PARP4: variants seen among roughly 807,000 people sequenced by gnomAD.
PARP4 encodes poly(ADP-ribose) polymerase family member 4, also known as protein mono-ADP-ribosyltransferase PARP4.
A neutral mutation model predicts 187.7 loss-of-function variants in PARP4; 120 were observed. The ratio of observed to expected loss-of-function variants is 0.64; its 90% CI spans 0.55 to 0.74. PARP4 has a LOEUF of 0.74. Among genes scored for constraint, PARP4 ranks in the 30% least tolerant of loss-of-function variants. The pLI, the probability that PARP4 is intolerant of heterozygous loss-of-function variation, is 0.00. For synonymous variants in PARP4, 654 were observed against 740.9 expected, an observed-to-expected ratio of 0.88 and a Z score of 1.90; for missense variants, 1,836 against 2,070.5, an observed-to-expected ratio of 0.89 and a Z score of 2.20.
intron 3 of PARP4, among the ~76,000 whole-genome samples, chr13:24,500,850 C>CA (rs1234768370): frequency 1.7e-4 from 26 of 152,170 alleles, no homozygotes; most frequent in Non-Finnish European, 1.3e-4. Context: ...AGGAATAACT[C>CA]AATGTGAGGA....
intron 20 of PARP4, among the ~76,000 whole-genome samples, chr13:24,458,647 T>C (rs1032403814): frequency 7.2e-5 from 11 of 152,134 alleles, no homozygotes; most frequent in Admixed American, 6.5e-4. Flanking sequence ...GTGGTAAACA[T>C]CATTTACATG....
chr13:24,483,403 G>A (rs1284051347), intron 12 of PARP4, among the ~76,000 whole-genome samples: 5 of 126,790 alleles, frequency 3.9e-5, no homozygotes, highest in African/African-American at 1.2e-4. Context: ...GGAGAATGGC[G>A]TGAACCCGGG....
intron 15 of PARP4, among the ~76,000 whole-genome samples, chr13:24,472,007 TCC>T (rs1219354613): frequency 6.6e-6 from 1 of 152,160 alleles, no homozygotes; most frequent in Admixed American, 6.6e-5. Flanking sequence ...CCTTACAAAC[TCC>T]GGATCCTTTG....
At chr13:24,436,427 C>T (rs774593996) in intron 30 of PARP4, among the ~76,000 whole-genome samples, 4 of 151,884 alleles carry the variant, frequency 2.6e-5, no homozygotes, top group Non-Finnish European at 5.9e-5. Flanking sequence ...CCTCAGACTC[C>T]CCAGTAGCTG....
chr13:24,452,943 T>A (rs1032346542), intron 23 of PARP4, among the ~76,000 whole-genome samples: 14 of 152,246 alleles, frequency 9.2e-5, no homozygotes, highest in East Asian at 1.9e-4. Flanking sequence ...TATTTATTTT[T>A]TTTTTCTTTG....
At chr13:24,445,531 G>A (rs2137459144) in intron 27 of PARP4, among the ~76,000 whole-genome samples, 1 of 152,248 alleles carries the variant, frequency 6.6e-6, no homozygotes, top group African/African-American at 2.4e-5. Flanking sequence ...GGAGCTTCTG[G>A]GTCAGCACTC....
intron 25 of PARP4, among the ~76,000 whole-genome samples, chr13:24,448,705 C>T (rs779574935): frequency 2.6e-4 from 40 of 152,186 alleles, no homozygotes; most frequent in Non-Finnish European, 5.1e-4. Context: ...AGCCAAAGGA[C>T]AGAAACAACC....
At chr13:24,491,976 G>A (rs539921615) in intron 9 of PARP4, among the ~76,000 whole-genome samples, 1 of 152,210 alleles carries the variant, frequency 6.6e-6, no homozygotes, top group Non-Finnish European at 1.5e-5. Flanking sequence ...CACTCTACAG[G>A]AAGTACAGAG....
At position 24,501,729 on chromosome 13, in the gene PARP4, A is replaced by C; in HGVS notation, c.238T>G (p.Ser80Ala). The change falls in exon 3 of 34, where the codon TCT (serine) becomes GCT (alanine). Residue 80 changes from serine (S) to alanine (A), a missense_variant. Transcript: ENST00000381989. ...TCCAAGAGTCTCTTTTCCCTGATAG[A>C]TTTCCATATAAAATCTGGGTTTGCA... ...HIANPDFIWKSIREKRLLDVK... is the reference protein window; with the variant it reads ...HIANPDFIWKAIREKRLLDVK... 3 of 1,611,964 alleles carry C rather than the reference A, an allele frequency of 1.9e-6. No homozygotes were observed. The highest frequency in any genetic ancestry group is 2.5e-6 in the Non-Finnish European group (3 of 1,178,074).
chr13:24,491,662 A>G (rs1566017001), intron 9 of PARP4, among the ~76,000 whole-genome samples: 1 of 152,180 alleles, frequency 6.6e-6, no homozygotes. Context: ...ACGGACCAAG[A>G]GAGTGACTTC....
At chr13:24,504,134 G>A (rs1240973698) in intron 1 of PARP4, among the ~76,000 whole-genome samples, 1 of 152,008 alleles carries the variant, frequency 6.6e-6, no homozygotes, top group South Asian at 2.1e-4. Flanking sequence ...ATTTGATAGT[G>A]AAACCATGGG....
At chr13:24,446,576 G>A in intron 27 of PARP4, 105 bp downstream of exon 27, 1 of 754,406 alleles carries the variant, frequency 1.3e-6, no homozygotes, top group Non-Finnish European at 2.3e-6. Flanking sequence ...ATTCAAAGCT[G>A]CCCTGGGCCG....
chr13:24,507,182 G>A (rs1869757728), intron 1 of PARP4, among the ~76,000 whole-genome samples: 1 of 152,218 alleles, frequency 6.6e-6, no homozygotes, highest in South Asian at 2.1e-4. Flanking sequence ...TCCGTCCTGC[G>A]CCTGCAAGCT....
At chr13:24,456,612 A>T in intron 20 of PARP4, 134 bp from the exon 21 acceptor site, 1 of 739,548 alleles carries the variant, frequency 1.4e-6, no homozygotes, top group South Asian at 4.1e-5. Flanking sequence ...GTAGTGGTAA[A>T]TTCCAAAATA....
chr13:24,435,553 A>C, intron 30 of PARP4, 79 bp from the exon 31 acceptor site: 2 of 1,426,006 alleles, frequency 1.4e-6, no homozygotes, highest in Non-Finnish European at 1.9e-6. Flanking sequence ...TCTTCCTAGC[A>C]CTTGACTTCC....
intron 8 of PARP4, among the ~76,000 whole-genome samples, chr13:24,493,026 CTTGAGATAAAT>C (rs1868745529): frequency 1.3e-5 from 2 of 152,286 alleles, no homozygotes; most frequent in Admixed American, 6.5e-5. Flanking sequence ...CCATTTTCTC[CTTGAGATAAAT>C]TAGTTTAATT....
chr13:24,512,529 G>A (rs1048454578), intron 1 of PARP4, among the ~76,000 whole-genome samples, 177 bp downstream of exon 1: 2 of 152,180 alleles, frequency 1.3e-5, no homozygotes, highest in East Asian at 1.9e-4. Context: ...ATCCCTCCCC[G>A]AGGGCGCTGG....
intron 17 of PARP4, among the ~76,000 whole-genome samples, chr13:24,465,933 T>C (rs977706562): frequency 6.6e-6 from 1 of 151,958 alleles, no homozygotes; most frequent in African/African-American, 2.4e-5. Flanking sequence ...GGTTCTTACA[T>C]ATGAAGTAGT....
At chr13:24,463,025 A>G (rs557928319) in intron 17 of PARP4, among the ~76,000 whole-genome samples, 12 of 152,330 alleles carry the variant, frequency 7.9e-5, no homozygotes, top group African/African-American at 2.9e-4. Context: ...AGACAATCCA[A>G]ACTCAGAGAA....
Sources: gnomAD v4.1 joint callset for allele counts (sites outside exome capture counted in the v4.1 genomes callset) on GRCh38, gnomAD v4.1.1 for gene constraint, MANE v1.5 for transcripts, NCBI Gene and HGNC (gene_info 2026-07-23, HGNC 2026-07-21) for gene names.